FOXP2: variants seen among roughly 807,000 people sequenced by gnomAD.
FOXP2 encodes the protein forkhead box protein P2.
Under a neutral mutation model 115.8 loss-of-function variants are expected in FOXP2, and 12 were observed. The observed-to-expected ratio is 0.10, with a 90% CI of 0.07 to 0.17. The LOEUF (loss-of-function observed/expected upper bound fraction) is 0.17. Among genes scored for constraint, FOXP2 ranks in the 10% least tolerant of loss-of-function variants. The probability of loss-of-function intolerance (pLI) is 1.00; values close to 1 mark genes in which losing one functional copy is unlikely to be tolerated. For synonymous variants in FOXP2, 328 were observed against 297.7 expected (o/e 1.10, Z -1.05); for missense variants, 629 against 843.5 (o/e 0.75, Z 3.15).
intron 3 of FOXP2, among the ~76,000 whole-genome samples, chr7:114,589,987 T>C (rs1278351593): frequency 6.6e-6 from 1 of 152,152 alleles, no homozygotes; most frequent in East Asian, 1.9e-4. Flanking sequence ...GTGCTTATTC[T>C]GTTATACTAA....
At chr7:114,268,869 T>C (rs1562845830) in intron 1 of FOXP2, among the ~76,000 whole-genome samples, 1 of 152,166 alleles carries the variant, frequency 6.6e-6, no homozygotes, top group African/African-American at 2.4e-5. Context: ...AAAGGAAATA[T>C]AGTCAATCAG....
intron 13 of FOXP2, among the ~76,000 whole-genome samples, chr7:114,660,308 A>T (rs1225608798): frequency 6.6e-6 from 1 of 152,220 alleles, no homozygotes; most frequent in Non-Finnish European, 1.5e-5. Context: ...GAAAAGAGCA[A>T]CGTCTGGAAA....
intron 1 of FOXP2, among the ~76,000 whole-genome samples, chr7:114,187,285 C>G (rs1201227768): frequency 5.9e-5 from 9 of 152,124 alleles, no homozygotes; most frequent in Non-Finnish European, 8.8e-5. Flanking sequence ...TTAAAAGAAG[C>G]TATGCAGTAC....
intron 2 of FOXP2, among the ~76,000 whole-genome samples, chr7:114,499,943 C>T (rs1391569741): frequency 6.6e-6 from 1 of 152,040 alleles, no homozygotes; most frequent in South Asian, 2.1e-4. Flanking sequence ...CAGCAGGGCA[C>T]GGTGGCTCAC....
chr7:114,119,736 T>C (rs1212783474), intron 1 of FOXP2, among the ~76,000 whole-genome samples: 2 of 152,130 alleles, frequency 1.3e-5, no homozygotes, highest in Non-Finnish European at 1.5e-5. Flanking sequence ...CATATTTTCA[T>C]CAATAGTATT....
chr7:114,506,042 CA>C lies in FOXP2; in HGVS notation c.169-28567del, dbSNP rs200114493. On this transcript the variant is annotated intron_variant, in intron 2 of 16. Transcript: ENST00000350908. The stretch of plus-strand genomic sequence containing the variant: ...CTTCCACTCCCACATTAAAAAACAA[CA>C]AAAAAAAGCTAATACCAGTCAGATC... Among the ~76,000 whole-genome samples, 145 of 150,686 alleles carry C rather than the reference CA, an allele frequency of 9.6e-4. 1 individual carries two copies. In the East Asian group the frequency reaches 0.014, roughly 14 times the overall value.
intron 2 of FOXP2, among the ~76,000 whole-genome samples, chr7:114,378,636 C>T (rs1325767462): frequency 7.6e-6 from 1 of 131,354 alleles, no homozygotes; most frequent in East Asian, 2.3e-4. Flanking sequence ...GTGAGCCATA[C>T]TCGAACCACT....
intron 1 of FOXP2, among the ~76,000 whole-genome samples, chr7:114,195,265 A>G (rs1793873741): frequency 2.0e-5 from 3 of 152,192 alleles, no homozygotes; most frequent in South Asian, 4.1e-4. Flanking sequence ...AGAACTAGTG[A>G]CTTGCCACAC....
At chr7:114,334,816 A>G (rs1385783451) in intron 2 of FOXP2, among the ~76,000 whole-genome samples, 1 of 150,284 alleles carries the variant, frequency 6.7e-6, no homozygotes, top group Non-Finnish European at 1.5e-5. Context: ...AAGATCGAAA[A>G]TGATCATAAA....
chr7:114,490,504 A>C (rs1006503310), intron 2 of FOXP2, among the ~76,000 whole-genome samples: 7 of 151,754 alleles, frequency 4.6e-5, no homozygotes, highest in Admixed American at 3.9e-4. Flanking sequence ...GATGCATGTC[A>C]TTACACTTTT....
chr7:114,662,170 T>C lies in FOXP2; in HGVS notation c.1753T>C (p.Ser585Pro). Residue 585 changes from serine (S) to proline (P), a missense_variant, in exon 14 of 17, where the codon TCA (serine) becomes CCA (proline). By Grantham distance (74) the Ser-to-Pro change is moderately conservative (BLOSUM62 -1). Coordinates refer to ENST00000350908, the MANE Select transcript of FOXP2 (RefSeq NM_014491.4). ...TGAAGTAGAATACCAGAAGCGAAGG[T>C]CACAAAAGATAACAGGGTATGTTTG... ...VDEVEYQKRRSQKITGSPTLV... is the reference protein window; with the variant it reads ...VDEVEYQKRRPQKITGSPTLV... 2 of 1,612,702 alleles carry C rather than the reference T, an allele frequency of 1.2e-6. No homozygotes were observed. Among genetic ancestry groups the C allele is most frequent in the Non-Finnish European group, 1.7e-6 (2 of 1,179,062 alleles).
At chr7:114,467,502 A>C (rs911356127) in intron 2 of FOXP2, among the ~76,000 whole-genome samples, 1 of 152,126 alleles carries the variant, frequency 6.6e-6, no homozygotes, top group Non-Finnish European at 1.5e-5. Context: ...GAGCCAAACA[A>C]AGTCCAACTG....
At chr7:114,644,575 ATTGACCTGTT>A in intron 7 of FOXP2, 100 bp from the exon 8 acceptor site, 1 of 840,914 alleles carries the variant, frequency 1.2e-6, no homozygotes, top group Non-Finnish European at 2.0e-6. Flanking sequence ...TCTGAGCTGA[ATTGACCTGTT>A]TTGACCTGTT....
At chr7:114,425,194 T>A (rs1298057631) in intron 1 of FOXP2, among the ~76,000 whole-genome samples, 7 of 151,588 alleles carry the variant, frequency 4.6e-5, no homozygotes, top group Non-Finnish European at 8.9e-5. Flanking sequence ...AAATTTTAAA[T>A]GGACAAAGCA....
At chr7:114,338,781 C>T (rs1791119034) in intron 2 of FOXP2, among the ~76,000 whole-genome samples, 1 of 147,534 alleles carries the variant, frequency 6.8e-6, no homozygotes. Flanking sequence ...CACACACACA[C>T]ATCTACATAC....
intron 2 of FOXP2, among the ~76,000 whole-genome samples, chr7:114,385,977 A>G (rs974737343): frequency 1.3e-5 from 2 of 152,208 alleles, no homozygotes; most frequent in Non-Finnish European, 2.9e-5. Flanking sequence ...CACGGAAGAG[A>G]ACCATGGAAC....
chr7:114,626,250 T>C (rs1273605287), intron 3 of FOXP2, among the ~76,000 whole-genome samples: 5 of 151,770 alleles, frequency 3.3e-5, no homozygotes, highest in Admixed American at 6.6e-5. Context: ...TTGCTTAAAT[T>C]TGCTCATTTA....
chr7:114,196,016 A>T (rs78868183), intron 1 of FOXP2, among the ~76,000 whole-genome samples: 3,318 of 152,068 alleles, frequency 0.022, 80 homozygotes, highest in South Asian at 0.051. Flanking sequence ...TTAATTAATT[A>T]ATTTATTTAT....
At chr7:114,644,533 A>G (rs1339163602) in intron 7 of FOXP2, 152 bp from the exon 8 acceptor site, 2 of 685,746 alleles carry the variant, frequency 2.9e-6, no homozygotes, top group Non-Finnish European at 2.7e-6. Context: ...CAGTTGAACT[A>G]TTCAATAGAA....
Sources: allele counts gnomAD v4.1 joint callset (sites outside exome capture counted in the v4.1 genomes callset), GRCh38; gene constraint gnomAD v4.1.1; transcripts MANE v1.5; gene names NCBI Gene and HGNC (gene_info 2026-07-23, HGNC 2026-07-21).